STPG2: variants seen among roughly 807,000 people sequenced by gnomAD.
The protein encoded by STPG2 is sperm tail PG-rich repeat containing 2.
A neutral mutation model predicts 54.2 loss-of-function variants in STPG2; 56 were observed. That is an observed-to-expected ratio of 1.03 (90% confidence interval 0.83 to 1.29). The LOEUF is 1.29. Ranked by LOEUF, STPG2 falls within the 50% of genes most tolerant of loss-of-function variation. STPG2 has a pLI of 0.00. For synonymous variants in STPG2, 200 were observed against 181.8 expected (o/e 1.10, Z -0.81); for missense variants, 596 against 544.9 (o/e 1.09, Z -0.93).
intron 5 of STPG2, among the ~76,000 whole-genome samples, chr4:98,100,712 G>C (rs1403722611): frequency 8.6e-6 from 1 of 116,198 alleles, no homozygotes; most frequent in African/African-American, 3.4e-5. Flanking sequence ...GTCTTGCTCT[G>C]TCGCCCAGGC....
chr4:97,497,438 C>T (rs913351389), intron 4 of STPG2, among the ~76,000 whole-genome samples: 5 of 151,726 alleles, frequency 3.3e-5, no homozygotes, highest in African/African-American at 1.2e-4. Context: ...TACTTTTCTC[C>T]CCATTGTGTT....
intron 8 of STPG2, among the ~76,000 whole-genome samples, chr4:97,934,280 T>C (rs952575595): frequency 3.3e-5 from 5 of 152,228 alleles, no homozygotes; most frequent in African/African-American, 1.2e-4. Context: ...TGTGGTTTTC[T>C]AGATATAGGA....
intron 8 of STPG2, among the ~76,000 whole-genome samples, chr4:97,897,827 T>A (rs1315549868): frequency 2.0e-5 from 3 of 152,224 alleles, no homozygotes; most frequent in Non-Finnish European, 4.4e-5. Flanking sequence ...GTGCATAGTT[T>A]ACAAAAATTT....
chr4:97,764,914 C>T (rs1383461849), intron 9 of STPG2, among the ~76,000 whole-genome samples: 1 of 152,070 alleles, frequency 6.6e-6, no homozygotes, highest in African/African-American at 2.4e-5. Context: ...AAAAGGGGTG[C>T]TAGAACCTCC....
intron 1 of STPG2, among the ~76,000 whole-genome samples, chr4:98,140,750 C>T (rs187737716): frequency 1.1e-3 from 170 of 152,056 alleles, no homozygotes; most frequent in African/African-American, 3.9e-3. Flanking sequence ...TACCGGAGAC[C>T]ATCTAGGTAG....
chr4:97,852,278 T>C (rs1004931081), intron 8 of STPG2, among the ~76,000 whole-genome samples: 1 of 152,214 alleles, frequency 6.6e-6, no homozygotes, highest in African/African-American at 2.4e-5. Flanking sequence ...AATCTTAACG[T>C]CATCTACTTT....
rs1241341098 is a variant in STPG2 at position 97,806,538 on chromosome 4, T to TA, written c.1204+34234dup. 4.6e-5 allele frequency among the ~76,000 whole-genome samples: 7 copies of TA among 151,940 alleles called. No homozygotes were observed. The East Asian group carries it at 1.4e-3, about 30-fold the overall frequency. On this transcript the variant is annotated intron_variant, in intron 9 of 10. Coordinates refer to ENST00000295268, the MANE Select transcript of STPG2 (RefSeq NM_174952.3). ...ATGAAAGTTGAAAATAAATAATAAATAAAAAAGCTCTCTTAAAAAGTCAGT... is the reference window on the plus strand; with the variant it reads ...ATGAAAGTTGAAAATAAATAATAAATAAAAAAAGCTCTCTTAAAAAGTCAGT...
At chr4:97,535,097 G>A (rs1560648128) in intron 4 of STPG2, among the ~76,000 whole-genome samples, 1 of 152,188 alleles carries the variant, frequency 6.6e-6, no homozygotes, top group Non-Finnish European at 1.5e-5. Context: ...AAACATTTAT[G>A]TAAAGGTTTT....
chr4:98,078,574 A>T (rs1416101748), intron 5 of STPG2, among the ~76,000 whole-genome samples: 1 of 151,690 alleles, frequency 6.6e-6, no homozygotes, highest in Non-Finnish European at 1.5e-5. Context: ...ATAGATTTAA[A>T]AAAAAAAAAG....
At chr4:98,103,010 T>A (rs547308668) in intron 5 of STPG2, among the ~76,000 whole-genome samples, 1 of 151,292 alleles carries the variant, frequency 6.6e-6, no homozygotes, top group African/African-American at 2.4e-5. Context: ...ACAAAAACTG[T>A]TCTCTCAATA....
chr4:97,968,153 T>A (rs1084780), intron 7 of STPG2, among the ~76,000 whole-genome samples: 298 of 152,086 alleles, frequency 2.0e-3, no homozygotes, highest in African/African-American at 7.0e-3. Context: ...CTCAAATAGA[T>A]GCAATAAAAA....
At chr4:97,507,902 G>C (rs558048971) in intron 4 of STPG2, among the ~76,000 whole-genome samples, 20 of 151,934 alleles carry the variant, frequency 1.3e-4, no homozygotes, top group Non-Finnish European at 2.2e-4. Context: ...TTTTATTGGG[G>C]TTGTATTACA....
intron 10 of STPG2, among the ~76,000 whole-genome samples, chr4:97,685,911 G>T (rs1723174810): frequency 6.6e-6 from 1 of 152,238 alleles, no homozygotes; most frequent in African/African-American, 2.4e-5. Flanking sequence ...GCAACACAAA[G>T]AATAGAGAAT....
At chr4:97,729,679 T>C (rs1724737951) in intron 9 of STPG2, among the ~76,000 whole-genome samples, 1 of 152,050 alleles carries the variant, frequency 6.6e-6, no homozygotes, top group African/African-American at 2.4e-5. Context: ...CCAGGCTGCA[T>C]CCAACATCAT....
At chr4:98,101,015 A>C (rs1163342614) in intron 5 of STPG2, among the ~76,000 whole-genome samples, 2 of 151,638 alleles carry the variant, frequency 1.3e-5, no homozygotes, top group South Asian at 4.2e-4. Context: ...GGTACTCCAA[A>C]GTGTTATTTT....
intron 9 of STPG2, among the ~76,000 whole-genome samples, chr4:97,766,594 C>T (rs1011419163): frequency 2.6e-5 from 4 of 151,846 alleles, no homozygotes; most frequent in African/African-American, 7.2e-5. Flanking sequence ...TTAATTTTTC[C>T]ACCCAATATA....
rs1365365400 is a variant in STPG2 at position 97,943,970 on chromosome 4, TC to T, written c.970del (p.Glu324AsnfsTer5). On this transcript the variant is annotated frameshift_variant, in exon 8 of 11. Transcript: ENST00000295268. LOFTEE classifies it high-confidence loss of function. ...ATATTTGTTAGTCAAGTTAGGTAAT[TC>T]ATCAGAAATTCCCACACCCTGTGAA... ...WHSQGVGISD[E>X]LPNLTNKYAA... is the part of the protein sequence containing the mutation. The T allele has an allele frequency of 6.2e-7, 1 of 1,607,010 alleles. No homozygotes were observed. Among genetic ancestry groups the T allele is most frequent in the Non-Finnish European group, 8.5e-7 (1 of 1,177,838 alleles).
intron 4 of STPG2, among the ~76,000 whole-genome samples, chr4:97,465,701 A>T (rs1729771298): frequency 6.6e-6 from 1 of 152,114 alleles, no homozygotes; most frequent in South Asian, 2.1e-4. Flanking sequence ...ATTTTAAATC[A>T]TCTCTAGATT....
intron 10 of STPG2, among the ~76,000 whole-genome samples, chr4:97,661,935 A>C (rs1340986260): frequency 6.6e-6 from 1 of 152,136 alleles, no homozygotes; most frequent in Non-Finnish European, 1.5e-5. Context: ...CTCAGCTTGA[A>C]CAATATTGGA....
Sources: allele counts gnomAD v4.1 joint callset (sites outside exome capture counted in the v4.1 genomes callset), GRCh38; gene constraint gnomAD v4.1.1; transcripts MANE v1.5; gene names NCBI Gene and HGNC (gene_info 2026-07-23, HGNC 2026-07-21).